Variants in CPNE9 observed in about 807,000 individuals in gnomAD.
The protein encoded by CPNE9 is copine-9.
A neutral mutation model predicts 83.0 loss-of-function variants in CPNE9; 59 were observed. The observed-to-expected ratio is 0.71, with a 90% CI of 0.58 to 0.88. The LOEUF (loss-of-function observed/expected upper bound fraction) is 0.88, where lower values mean the gene tolerates loss of function less well. CPNE9 is among the 40% of genes least tolerant of loss of function. The probability of loss-of-function intolerance (pLI) is 0.00; values close to 1 mark genes in which losing one functional copy is unlikely to be tolerated. For synonymous variants in CPNE9, 256 were observed against 273.4 expected, an observed-to-expected ratio of 0.94 and a Z score of 0.63; for missense variants, 619 against 720.8, an observed-to-expected ratio of 0.86 and a Z score of 1.62.
At chr3:9,706,152 C>T in intron 7 of CPNE9, 89 bp downstream of exon 7, 1 of 1,352,022 alleles carries the variant, frequency 7.4e-7, no homozygotes, top group East Asian at 2.3e-5. Flanking sequence ...GAAGTGGAGG[C>T]TGGGGTTGCC....
chr3:9,704,053 C>T lies in CPNE9; in HGVS notation c.57C>T (p.Thr19=), dbSNP rs1213809565. The part of the protein sequence containing the change: ...RSVPATKIEI[T]VSCRNLLDLD... ...TCCCGGCCACCAAGATTGAAATTAC[C>T]GTGTCCTGCCGGTGAGCGGGCCGCG... Residue 19 remains threonine, a synonymous_variant, in exon 1 of 21, where the codon ACC becomes ACT. Coordinates refer to ENST00000383832, the MANE Select transcript of CPNE9 (RefSeq NM_153635.3). The surrounding 1 kb of genome is among the most constrained non-coding windows in gnomAD (Gnocchi z 7.1). 9.3e-6 allele frequency: 15 copies of T among 1,607,430 alleles called. No individual in the cohort carries two copies. The highest frequency in any genetic ancestry group is 1.3e-5 in the Non-Finnish European group (15 of 1,178,126).
intron 19 of CPNE9, 24 bp from the exon 20 acceptor site, chr3:9,727,089 C>T: frequency 6.2e-7 from 1 of 1,613,848 alleles, no homozygotes. Context: ...GGCCAATCAG[C>T]TGAGGGGTGT....
rs978061721 is a variant in CPNE9, at chr3:9,708,527, A to C, written c.377+2464A>C. On this transcript the variant is annotated intron_variant, in intron 7 of 20. Coordinates refer to ENST00000383832, the MANE Select transcript of CPNE9 (RefSeq NM_153635.3). Reference sequence around the variant, plus strand: ...CTGCTACAGCTCAAATAAGATGAAGATTGGGAATTGGCCATTGCATTTAGC... The same window carrying C: ...CTGCTACAGCTCAAATAAGATGAAGCTTGGGAATTGGCCATTGCATTTAGC... Among the ~76,000 whole-genome samples the C allele has an allele frequency of 4.6e-5, 7 of 152,382 alleles. No homozygotes were observed. In the East Asian group the frequency reaches 1.3e-3, roughly 29 times the overall value.
At chr3:9,706,754 C>T (rs2076568282) in intron 7 of CPNE9, among the ~76,000 whole-genome samples, 1 of 152,142 alleles carries the variant, frequency 6.6e-6, no homozygotes, top group African/African-American at 2.4e-5. Context: ...GTTGAGCAGG[C>T]CTCACGGACA....
intron 13 of CPNE9, 73 bp from the exon 14 acceptor site, chr3:9,715,898 CCCT>C (rs369700748): frequency 0.12 from 157,742 of 1,326,390 alleles, 10,613 homozygotes; most frequent in African/African-American, 0.28. Flanking sequence ...CTTTCCAAGC[CCCT>C]ATGGGCCTCA....
At chr3:9,707,306 T>C (rs1416445033) in intron 7 of CPNE9, among the ~76,000 whole-genome samples, 1 of 143,512 alleles carries the variant, frequency 7.0e-6, no homozygotes, top group African/African-American at 2.6e-5. Context: ...TGAGCTGAGA[T>C]TGTGCCACTG....
At chr3:9,715,789 G>A (rs185561872) in intron 13 of CPNE9, among the ~76,000 whole-genome samples, 185 bp from the exon 14 acceptor site, 15 of 152,272 alleles carry the variant, frequency 9.9e-5, no homozygotes, top group South Asian at 4.1e-4. Flanking sequence ...GAAATCCAAC[G>A]ATGTTTCTGA....
intron 17 of CPNE9, among the ~76,000 whole-genome samples, chr3:9,725,698 G>A (rs111459762): frequency 0.22 from 22,913 of 105,438 alleles, 2,444 homozygotes; most frequent in East Asian, 0.49. Flanking sequence ...ACATATATGT[G>A]TATATATGTG....
intron 17 of CPNE9, among the ~76,000 whole-genome samples, chr3:9,721,206 A>T (rs1182621240): frequency 2.6e-5 from 4 of 152,182 alleles, no homozygotes; most frequent in Non-Finnish European, 4.4e-5. Flanking sequence ...AAATATAAAT[A>T]AATCATTACC....
intron 17 of CPNE9, among the ~76,000 whole-genome samples, chr3:9,721,921 T>C (rs1369073773): frequency 1.3e-5 from 2 of 151,606 alleles, no homozygotes; most frequent in Non-Finnish European, 2.9e-5. Context: ...TTTTTGTTTT[T>C]AGTTTTTTTT....
chr3:9,705,782 T>G, intron 6 of CPNE9, 62 bp downstream of exon 6: 2 of 1,565,020 alleles, frequency 1.3e-6, no homozygotes, highest in Admixed American at 1.7e-5. Flanking sequence ...AGAACAGGCT[T>G]GGACTGATGA....
In CPNE9 at chr3:9,714,925, T is replaced by C. The variant is rs370371620; in HGVS notation, c.662T>C (p.Ile221Thr). 5.0e-6 allele frequency: 8 copies of C among 1,613,898 alleles called. No homozygotes were observed. The highest frequency in any genetic ancestry group is 4.0e-5 in the African/African-American group (3 of 74,924). ...CTCCTACATTTCAGAACGGTGAAGA[T>C]TGATGTGTACGACTGGGACCGGGAT... is the stretch of plus-strand genomic sequence containing the variant. ...CNGDYDRTVK[I>T]DVYDWDRDGS... Residue 221 changes from isoleucine to threonine, a missense_variant, in exon 11 of 21, where the codon ATT (isoleucine) becomes ACT (threonine). Coordinates refer to ENST00000383832, the MANE Select transcript of CPNE9 (RefSeq NM_153635.3).
chr3:9,720,370 G>GT (rs900182072), intron 17 of CPNE9, among the ~76,000 whole-genome samples: 33 of 147,632 alleles, frequency 2.2e-4, no homozygotes, highest in Middle Eastern at 3.5e-3. Flanking sequence ...GCGAAGATTT[G>GT]TTTTTTTTTT....
At chr3:9,712,699 A>T (rs2076641795) in intron 8 of CPNE9, 26 bp from the exon 9 acceptor site, 2 of 1,610,346 alleles carry the variant, frequency 1.2e-6, no homozygotes, top group African/African-American at 2.7e-5. Context: ...TTGGGGTGCC[A>T]CCAGCCCAAC....
rs758324161 is a variant in CPNE9 at position 9,704,058 on chromosome 3, C to T, written c.62C>T (p.Ser21Phe). ...VPATKIEITV[S>F]CRNLLDLDTF... ...GCCACCAAGATTGAAATTACCGTGT[C>T]CTGCCGGTGAGCGGGCCGCGCTGGG... is the stretch of plus-strand genomic sequence containing the variant. The change falls in exon 1 of 21, where the codon TCC (serine) becomes TTC (phenylalanine). Residue 21 changes from serine to phenylalanine, a missense_variant. Ser to Phe is a radical substitution (Grantham distance 155). This residue lies in a region of CPNE9 where 130 missense variants were observed against 117.5 expected (regional missense o/e 1.11). Transcript: ENST00000383832. The surrounding 1 kb of genome is among the most constrained non-coding windows in gnomAD (Gnocchi z 7.1). 6.2e-7 allele frequency: 1 copy of T among 1,607,604 alleles called. No individual in the cohort carries two copies. The highest frequency in any genetic ancestry group is 1.1e-5 in the South Asian group (1 of 89,996).
rs775844214 is a variant in CPNE9, at chr3:9,729,742, G to A, written c.*50G>A. 2 of 1,555,284 alleles carry A rather than the reference G, an allele frequency of 1.3e-6. No individual in the cohort carries two copies. The highest frequency in any genetic ancestry group is 2.4e-5 in the South Asian group (2 of 84,642). On this transcript the variant is annotated 3_prime_UTR_variant, in exon 21 of 21. Coordinates refer to ENST00000383832, the MANE Select transcript of CPNE9 (RefSeq NM_153635.3). ...CAGTCTGCAAGCCTGCTCACCCACT[G>A]CTTCTGCTTTAAGCCAGAGGCACCT...
At chr3:9,721,776 G>A (rs1325927902) in intron 17 of CPNE9, among the ~76,000 whole-genome samples, 1 of 152,212 alleles carries the variant, frequency 6.6e-6, no homozygotes, top group Non-Finnish European at 1.5e-5. Flanking sequence ...TGGGGATAGA[G>A]AGTGAGAGAA....
chr3:9,723,313 A>C (rs187715075), intron 17 of CPNE9, among the ~76,000 whole-genome samples: 2 of 152,230 alleles, frequency 1.3e-5, no homozygotes, highest in Non-Finnish European at 2.9e-5. Context: ...CTCTACTAGC[A>C]ATATAAAAAT....
At chr3:9,717,332 TGAGA>T (rs1217562477) in intron 15 of CPNE9, among the ~76,000 whole-genome samples, 3 of 151,914 alleles carry the variant, frequency 2.0e-5, no homozygotes, top group Non-Finnish European at 2.9e-5. Flanking sequence ...GGCTGATGGA[TGAGA>T]GAGAAAGGGG....
Sources: gnomAD v4.1 joint callset for allele counts (sites outside exome capture counted in the v4.1 genomes callset) on GRCh38, gnomAD v4.1.1 for gene constraint, gnomAD v4.1.1 regional missense constraint, Gnocchi (gnomAD v3.1) non-coding constraint, MANE v1.5 for transcripts, NCBI Gene and HGNC (gene_info 2026-07-23, HGNC 2026-07-21) for gene names.